FOXP1: variants seen among roughly 807,000 people sequenced by gnomAD.
FOXP1 encodes forkhead box P1.
FOXP1 carries 15 observed loss-of-function variants against 98.2 expected under a neutral mutation model. That is an observed-to-expected ratio of 0.15 (90% confidence interval 0.10 to 0.24). The LOEUF (loss-of-function observed/expected upper bound fraction) is 0.24. FOXP1 is among the 10% of genes least tolerant of loss of function. The probability of loss-of-function intolerance (pLI) is 1.00; values close to 1 mark genes in which losing one functional copy is unlikely to be tolerated. For synonymous variants in FOXP1, 371 were observed against 314.5 expected (o/e 1.18, Z -1.90); for missense variants, 633 against 848.5 (o/e 0.75, Z 3.15).
intron 3 of FOXP1, among the ~76,000 whole-genome samples, chr3:71,375,716 T>C (rs1438069638): frequency 2.0e-5 from 3 of 152,170 alleles, no homozygotes; most frequent in Non-Finnish European, 4.4e-5. Flanking sequence ...ATAATAACAA[T>C]GTCATTAAAA....
intron 6 of FOXP1, among the ~76,000 whole-genome samples, chr3:71,153,053 G>A (rs1386484440): frequency 6.6e-6 from 1 of 152,206 alleles, no homozygotes; most frequent in African/African-American, 2.4e-5. Flanking sequence ...CCAGAATGCT[G>A]AACTTTGTGA....
At chr3:71,559,585 T>C (rs1011147355) in intron 2 of FOXP1, among the ~76,000 whole-genome samples, 1 of 152,150 alleles carries the variant, frequency 6.6e-6, no homozygotes, top group Non-Finnish European at 1.5e-5. Context: ...GGCTCATACT[T>C]GTAATCCCAA....
intron 2 of FOXP1, among the ~76,000 whole-genome samples, chr3:71,497,794 C>A (rs1378814993): frequency 6.6e-6 from 1 of 152,190 alleles, no homozygotes; most frequent in Non-Finnish European, 1.5e-5. Flanking sequence ...TTTTCCACTT[C>A]ACTACAGCCC....
At chr3:71,486,382 T>C (rs2090650386) in intron 3 of FOXP1, among the ~76,000 whole-genome samples, 1 of 152,222 alleles carries the variant, frequency 6.6e-6, no homozygotes, top group African/African-American at 2.4e-5. Flanking sequence ...CTCATGAGCC[T>C]ATTCCAATCC....
intron 3 of FOXP1, among the ~76,000 whole-genome samples, chr3:71,417,140 A>C (rs2083279954): frequency 6.6e-6 from 1 of 152,216 alleles, no homozygotes; most frequent in African/African-American, 2.4e-5. Flanking sequence ...TTCAGACCAC[A>C]GGTGGAGCTG....
chr3:71,226,769 G>A (rs2065872879), intron 5 of FOXP1, among the ~76,000 whole-genome samples: 1 of 151,932 alleles, frequency 6.6e-6, no homozygotes, highest in African/African-American at 2.4e-5. Context: ...CTGTCTCGCT[G>A]AGTCTCTCTT....
In FOXP1 at chr3:71,395,850, G is replaced by A. The variant is rs182541117; in HGVS notation, c.-167-36606C>T. 7.9e-5 allele frequency among the ~76,000 whole-genome samples: 12 copies of A among 152,024 alleles called. No homozygotes were observed. In the South Asian group the frequency reaches 8.3e-4, roughly 11 times the overall value. On this transcript the variant is annotated intron_variant, in intron 3 of 20. Transcript: ENST00000649528. The stretch of plus-strand genomic sequence containing the variant: ...AGTCCTTTGATATGGTCAATGTTGC[G>A]CAAATTTCCTGTAATTAATGGGGGG...
chr3:71,238,060 C>T (rs534397587), intron 5 of FOXP1, among the ~76,000 whole-genome samples: 1 of 152,330 alleles, frequency 6.6e-6, no homozygotes, highest in South Asian at 2.1e-4. Context: ...AAAGGCTTTA[C>T]ATCCCATAGG....
chr3:71,277,674 T>C (rs1180541306), intron 5 of FOXP1, among the ~76,000 whole-genome samples: 1 of 152,154 alleles, frequency 6.6e-6, no homozygotes, highest in East Asian at 1.9e-4. Context: ...GACTGGACAT[T>C]AGTTGCTGCT....
intron 2 of FOXP1, among the ~76,000 whole-genome samples, chr3:71,499,216 G>A (rs745707709): frequency 2.0e-5 from 3 of 152,140 alleles, no homozygotes; most frequent in Non-Finnish European, 4.4e-5. Context: ...CTGCCAGGCA[G>A]CTCTCTCCAC....
intron 4 of FOXP1, among the ~76,000 whole-genome samples, chr3:71,318,150 C>A (rs1032351665): frequency 6.8e-5 from 6 of 88,124 alleles, no homozygotes; most frequent in Admixed American, 3.5e-4. Flanking sequence ...TTCTACCCAG[C>A]AAGGTTTTTT....
In FOXP1 at chr3:71,088,421, C is replaced by T. The variant is rs572556527; in HGVS notation, c.282+24115G>A. On this transcript the variant is annotated intron_variant, in intron 7 of 20. Transcript: ENST00000649528. ...TTTTGTTTTTTTTTTTTTGGCTTAC[C>T]AGTTTAATGTCCCATAAGAATGTAA... 1.6e-4 allele frequency among the ~76,000 whole-genome samples: 24 copies of T among 149,132 alleles called. No homozygotes were observed. In the East Asian group the frequency reaches 4.6e-3, roughly 29 times the overall value.
intron 2 of FOXP1, among the ~76,000 whole-genome samples, chr3:71,495,094 T>C (rs1466898619): frequency 6.6e-6 from 1 of 152,192 alleles, no homozygotes; most frequent in African/African-American, 2.4e-5. Flanking sequence ...TCCCAAACTA[T>C]AATCAATGTA....
At chr3:71,476,829 T>C (rs1214495312) in intron 3 of FOXP1, among the ~76,000 whole-genome samples, 1 of 152,074 alleles carries the variant, frequency 6.6e-6, no homozygotes, top group African/African-American at 2.4e-5. Context: ...TTTAATGTGT[T>C]TGTTCTTAAA....
intron 3 of FOXP1, among the ~76,000 whole-genome samples, chr3:71,412,221 C>T (rs1263122469): frequency 2.0e-5 from 3 of 151,476 alleles, no homozygotes; most frequent in Non-Finnish European, 2.9e-5. Context: ...GGCACCTGGG[C>T]GCCTTTGGGC....
chr3:71,279,192 A>AAAAAAAAAAAAAAAAAAAAAAAAAAAAC (rs368277709), intron 5 of FOXP1, among the ~76,000 whole-genome samples: 1 of 139,358 alleles, frequency 7.2e-6, no homozygotes. Flanking sequence ...AAAAAAAAAA[A>AAAAAAAAAAAAAAAAAAAAAAAAAAAAC]AGAAAGAAAT....
At chr3:71,400,362 GA>G (rs935617864) in intron 3 of FOXP1, among the ~76,000 whole-genome samples, 8 of 92,668 alleles carry the variant, frequency 8.6e-5, no homozygotes, top group African/African-American at 2.1e-4. Context: ...ATTTATGTAT[GA>G]TTTTTTTTTT....
intron 6 of FOXP1, among the ~76,000 whole-genome samples, chr3:71,164,411 G>T (rs1487794664): frequency 6.6e-6 from 1 of 152,104 alleles, no homozygotes; most frequent in African/African-American, 2.4e-5. Flanking sequence ...ATGTTAGCCA[G>T]GATGGTCTCG....
intron 6 of FOXP1, among the ~76,000 whole-genome samples, chr3:71,188,512 T>C (rs182401196): frequency 1.3e-5 from 2 of 152,106 alleles, no homozygotes; most frequent in East Asian, 3.9e-4. Context: ...CCTCCCAGGT[T>C]CAAGTGATTC....
Sources: gnomAD v4.1 joint callset for allele counts (sites outside exome capture counted in the v4.1 genomes callset) on GRCh38, gnomAD v4.1.1 for gene constraint, MANE v1.5 for transcripts, NCBI Gene and HGNC (gene_info 2026-07-23, HGNC 2026-07-21) for gene names.